The following MOGAT2 variants were observed in gnomAD, a reference collection of about 807,000 sequenced individuals.
MOGAT2 encodes monoacylglycerol O-acyltransferase 2.
In MOGAT2, 27 loss-of-function variants were observed where a neutral mutation model predicts 31.5. The observed-to-expected ratio is 0.86, with a 90% CI of 0.63 to 1.18. The LOEUF is 1.18. MOGAT2 is among the 50% of genes most tolerant of loss of function. The pLI, the probability that MOGAT2 is intolerant of heterozygous loss-of-function variation, is 0.00. For synonymous variants in MOGAT2, 163 were observed against 170.0 expected, an observed-to-expected ratio of 0.96 and a Z score of 0.32; for missense variants, 436 against 433.2, an observed-to-expected ratio of 1.01 and a Z score of -0.06.
At position 75,731,510 on chromosome 11, in the gene MOGAT2, T is replaced by C. The variant is rs1944479789; in HGVS notation, c.*224T>C. On this transcript the variant is annotated 3_prime_UTR_variant, in exon 6 of 6. Coordinates refer to ENST00000198801, the MANE Select transcript of MOGAT2 (RefSeq NM_025098.4). ...GGCTGCTAGAGGGGCTGGGCCTCTC[T>C]TTGCACATGGACACTGGGCCCCTCT... 1 of 517,370 alleles carries C rather than the reference T, an allele frequency of 1.9e-6. No individual in the cohort carries two copies. The highest frequency in any genetic ancestry group is 3.4e-6 in the Non-Finnish European group (1 of 293,974). The allele number at this position is 517,370 out of a possible 1,614,324, so 32.0% of individuals were successfully genotyped here. A position where few individuals can be genotyped will look rare whatever the true frequency, so the allele number is the denominator to read the frequency against.
chr11:75,729,748 T>TTG lies in MOGAT2; in HGVS notation c.850+760_850+761insGT, dbSNP rs1555053906. Reference sequence around the variant, plus strand: ...AGAAGGAGGGTTTAATTCTTTTTTTTTTTTGTTTTTTTTTGAGACAGAGTC... The same window carrying TTG: ...AGAAGGAGGGTTTAATTCTTTTTTTTTGTTTTGTTTTTTTTTGAGACAGAGTC... On this transcript the variant is annotated intron_variant, in intron 5 of 5. Coordinates refer to ENST00000198801, the MANE Select transcript of MOGAT2 (RefSeq NM_025098.4). 1.6e-4 allele frequency among the ~76,000 whole-genome samples: 22 copies of TTG among 139,476 alleles called. 1 individual carries two copies. Among genetic ancestry groups the TTG allele is most frequent in the African/African-American group, 6.3e-4 (22 of 34,722 alleles). 91.5% of individuals were successfully genotyped at this position (139,476 alleles called of 152,430 possible).
At chr11:75,721,169 T>G (rs573572869) in intron 2 of MOGAT2, among the ~76,000 whole-genome samples, 2 of 152,316 alleles carry the variant, frequency 1.3e-5, no homozygotes, top group East Asian at 3.9e-4. Context: ...TGTATGATCG[T>G]AGGTAAGTTG....
intron 2 of MOGAT2, among the ~76,000 whole-genome samples, chr11:75,726,696 A>ATTTTTT (rs1186269725): frequency 1.6e-5 from 2 of 123,188 alleles, no homozygotes; most frequent in Admixed American, 8.2e-5. Context: ...AGGAACATTG[A>ATTTTTT]TTTTTTTTTT....
At chr11:75,725,331 G>C (rs561965045) in intron 2 of MOGAT2, among the ~76,000 whole-genome samples, 96 of 152,242 alleles carry the variant, frequency 6.3e-4, no homozygotes, top group African/African-American at 2.1e-3. Context: ...GATCACACGA[G>C]GCCAGGAGTT....
intron 2 of MOGAT2, among the ~76,000 whole-genome samples, chr11:75,724,054 G>A (rs1944398933): frequency 6.6e-6 from 1 of 152,226 alleles, no homozygotes; most frequent in African/African-American, 2.4e-5. Context: ...AAATAATTGA[G>A]CCACAGAGGG....
chr11:75,721,522 A>T, intron 2 of MOGAT2, among the ~76,000 whole-genome samples: 1 of 152,172 alleles, frequency 6.6e-6, no homozygotes, highest in Non-Finnish European at 1.5e-5. Flanking sequence ...ACCTTAGGTG[A>T]TCTGCCCACC....
chr11:75,719,020 C>G (rs1944354179), intron 1 of MOGAT2, among the ~76,000 whole-genome samples: 1 of 152,108 alleles, frequency 6.6e-6, no homozygotes, highest in Non-Finnish European at 1.5e-5. Context: ...CTCAGAAACT[C>G]CCCCACAATT....
chr11:75,724,247 C>G (rs1944400353), intron 2 of MOGAT2, among the ~76,000 whole-genome samples: 1 of 152,242 alleles, frequency 6.6e-6, no homozygotes, highest in African/African-American at 2.4e-5. Context: ...TTCCTTCATG[C>G]TATACCCTTT....
In MOGAT2 at chr11:75,731,630, C is replaced by T; in HGVS notation, c.*344C>T. The T allele has an allele frequency of 4.8e-6, 1 of 210,208 alleles. No individual in the cohort carries two copies. Among genetic ancestry groups the T allele is most frequent in the South Asian group, 1.0e-4 (1 of 9,900 alleles). 13.0% of individuals were successfully genotyped at this position (210,208 alleles called of 1,614,324 possible). ...CTCGAGTCCTAGGCTGCACACCTCA[C>T]AAGCATCTCTTCTACTGCATTCTGT... On this transcript the variant is annotated 3_prime_UTR_variant, in exon 6 of 6. Coordinates refer to ENST00000198801, the MANE Select transcript of MOGAT2 (RefSeq NM_025098.4).
chr11:75,728,214 G>T, intron 4 of MOGAT2, 70 bp downstream of exon 4: 4 of 1,471,648 alleles, frequency 2.7e-6, no homozygotes, highest in Middle Eastern at 1.7e-4. Context: ...TTGGTGGGAA[G>T]ATGGCAGAGA....
intron 2 of MOGAT2, among the ~76,000 whole-genome samples, chr11:75,725,591 C>T (rs1319200560): frequency 2.1e-5 from 3 of 141,466 alleles, no homozygotes; most frequent in African/African-American, 8.8e-5. Flanking sequence ...TTGCAGAGGC[C>T]ATGTCCGGGT....
chr11:75,727,332 T>A, intron 2 of MOGAT2, 103 bp from the exon 3 acceptor site: 1 of 1,057,594 alleles, frequency 9.5e-7, no homozygotes, highest in Non-Finnish European at 1.4e-6. Context: ...GATGAAGACC[T>A]GGAGGCTCAG....
rs753655501 is a variant in MOGAT2 at position 75,727,479 on chromosome 11, G to A, written c.315G>A (p.Ala105=). ...TGGACCCCTCTCGGAACTACATTGC[G>A]GGCTTCCACCCCCATGGAGTCCTGG... The part of the protein sequence containing the change: ...AELDPSRNYI[A]GFHPHGVLAV... Residue 105 remains alanine (A), a synonymous_variant, in exon 3 of 6, where the codon GCG becomes GCA. Coordinates refer to ENST00000198801, the MANE Select transcript of MOGAT2 (RefSeq NM_025098.4). 4.3e-6 allele frequency: 7 copies of A among 1,614,086 alleles called. No homozygotes were observed. Among genetic ancestry groups the A allele is most frequent in the East Asian group, 2.2e-5 (1 of 44,884 alleles).
In MOGAT2 at chr11:75,728,951, T is replaced by C; in HGVS notation, c.812T>C (p.Phe271Ser). Reference protein sequence around the residue: ...FHGRGVFQYSFGLIPYRRPIT... With the variant: ...FHGRGVFQYSSGLIPYRRPIT... ...GGCCGTGGTGTCTTCCAGTACAGCT[T>C]TGGTTTAATACCCTACCGCCGGCCC... Residue 271 changes from phenylalanine (F) to serine (S), a missense_variant, in exon 5 of 6, where the codon TTT becomes TCT. Phe to Ser is a radical substitution (Grantham distance 155). Transcript: ENST00000198801. The C allele has an allele frequency of 6.2e-7, 1 of 1,614,074 alleles. No homozygotes were observed. Among genetic ancestry groups the C allele is most frequent in the South Asian group, 1.1e-5 (1 of 91,076 alleles).
chr11:75,723,898 C>T (rs541871905), intron 2 of MOGAT2, among the ~76,000 whole-genome samples: 7 of 152,246 alleles, frequency 4.6e-5, no homozygotes, highest in African/African-American at 7.2e-5. Flanking sequence ...CATCTATCTT[C>T]GCTTAGTCAC....
rs772405933 is a variant in MOGAT2, at chr11:75,728,942, A to G, written c.803A>G (p.Gln268Arg). The change falls in exon 5 of 6, where the codon CAG (glutamine) becomes CGG (arginine). Residue 268 changes from glutamine to arginine, a missense_variant. Gln to Arg is a conservative substitution (Grantham distance 43). Transcript: ENST00000198801. Reference protein sequence around the residue: ...LPLFHGRGVFQYSFGLIPYRR... With the variant: ...LPLFHGRGVFRYSFGLIPYRR... ...CTCTTTCATGGCCGTGGTGTCTTCC[A>G]GTACAGCTTTGGTTTAATACCCTAC... The G allele has an allele frequency of 2.5e-5, 41 of 1,614,042 alleles. No homozygotes were observed. The highest frequency in any genetic ancestry group is 3.3e-5 in the Non-Finnish European group (39 of 1,180,044).
chr11:75,731,083 G>A (rs773422365), intron 5 of MOGAT2, 49 bp from the exon 6 acceptor site: 22 of 1,567,880 alleles, frequency 1.4e-5, no homozygotes, highest in East Asian at 2.3e-5. Context: ...CACCTGCACC[G>A]AGGGTCCCTT....
chr11:75,725,217 A>G (rs973536618), intron 2 of MOGAT2, among the ~76,000 whole-genome samples: 3 of 152,334 alleles, frequency 2.0e-5, no homozygotes, highest in African/African-American at 4.8e-5. Flanking sequence ...ATGAAAATTT[A>G]TAAGCAAGTG....
intron 1 of MOGAT2, among the ~76,000 whole-genome samples, chr11:75,719,105 G>C (rs1196210588): frequency 1.3e-5 from 2 of 152,198 alleles, no homozygotes; most frequent in East Asian, 1.9e-4. Context: ...TGGTTGAGCT[G>C]TGTCTCTGTT....
Sources: gnomAD v4.1 joint callset for allele counts (sites outside exome capture counted in the v4.1 genomes callset) on GRCh38, gnomAD v4.1.1 for gene constraint, MANE v1.5 for transcripts, NCBI Gene and HGNC (gene_info 2026-07-23, HGNC 2026-07-21) for gene names.